Variants in TMPRSS6 observed in about 807,000 individuals in gnomAD.
TMPRSS6 encodes the protein transmembrane serine protease 6.
A neutral mutation model predicts 101.5 loss-of-function variants in TMPRSS6; 67 were observed. The ratio of observed to expected loss-of-function variants is 0.66; its 90% CI spans 0.54 to 0.81. TMPRSS6 has a LOEUF of 0.81. Ranked by LOEUF, TMPRSS6 falls within the 30% of genes least tolerant of loss-of-function variation. TMPRSS6 has a pLI of 0.00. For synonymous variants in TMPRSS6, 453 were observed against 464.9 expected, an observed-to-expected ratio of 0.97 and a Z score of 0.33; for missense variants, 1,034 against 1,088.7, an observed-to-expected ratio of 0.95 and a Z score of 0.71.
intron 10 of TMPRSS6, among the ~76,000 whole-genome samples, chr22:37,078,997 G>GAAAGA (rs1569006260): frequency 1.3e-5 from 2 of 150,264 alleles, no homozygotes; most frequent in African/African-American, 4.9e-5. Flanking sequence ...AAGAAAGAAA[G>GAAAGA]AAAGAAAGAA....
chr22:37,103,097 G>A lies in TMPRSS6; in HGVS notation c.202+119C>T, dbSNP rs532254664. The A allele has an allele frequency of 1.2e-3, 1,305 of 1,084,508 alleles. 3 individuals are homozygous for A. The highest frequency in any genetic ancestry group is 1.7e-3 in the Non-Finnish European group (1,227 of 727,916). The allele number at this position is 1,084,508 out of a possible 1,614,324, so 67.2% of individuals were successfully genotyped here. ...AGAGAACAGAAGTGACTTGCCCAAG[G>A]TCACACAGCAATATGCTAAGCACGG... On this transcript the variant is annotated intron_variant, in intron 2 of 17. Transcript: ENST00000676104. This position sits in a 1 kb window ranked among gnomAD's most constrained non-coding sequence, Gnocchi z 4.4.
intron 10 of TMPRSS6, among the ~76,000 whole-genome samples, chr22:37,079,003 AAG>A (rs1439886162): frequency 6.7e-6 from 1 of 150,030 alleles, no homozygotes; most frequent in African/African-American, 2.5e-5. Flanking sequence ...GAAAGAAAGA[AAG>A]AAAGAAAGAA....
chr22:37,107,832 G>A lies in TMPRSS6; in HGVS notation c.-2+1671C>T, dbSNP rs79841810. On this transcript the variant is annotated intron_variant, in intron 1 of 17. Coordinates refer to ENST00000676104, the MANE Select transcript of TMPRSS6 (RefSeq NM_001374504.1). ...AGAGAGGCCTTCCCTGGGCACTCCC[G>A]TCTCTCCTGCATTTTTCTTTATAGC... 7.5e-3 allele frequency among the ~76,000 whole-genome samples: 1,136 copies of A among 152,204 alleles called. 24 individuals are homozygous for A. The highest frequency in any genetic ancestry group is 0.026 in the African/African-American group (1,098 of 41,492).
intron 8 of TMPRSS6, among the ~76,000 whole-genome samples, chr22:37,085,893 C>T (rs866646856): frequency 6.6e-6 from 1 of 150,644 alleles, no homozygotes; most frequent in East Asian, 2.0e-4. Context: ...CGGTGGGTGC[C>T]AAGGGGAGAG....
intron 1 of TMPRSS6, among the ~76,000 whole-genome samples, chr22:37,109,124 G>A (rs1217671301): frequency 1.3e-5 from 2 of 152,176 alleles, no homozygotes; most frequent in Admixed American, 6.5e-5. Flanking sequence ...CTCCGGGCCT[G>A]TCTCCTACAC....
In TMPRSS6 at chr22:37,101,137, G is replaced by C. The variant is rs1330015115; in HGVS notation, c.202+2079C>G. 3.3e-5 allele frequency among the ~76,000 whole-genome samples: 5 copies of C among 152,136 alleles called. No homozygotes were observed. Among genetic ancestry groups the C allele is most frequent in the Non-Finnish European group, 5.9e-5 (4 of 68,002 alleles). On this transcript the variant is annotated intron_variant, in intron 2 of 17. Coordinates refer to ENST00000676104, the MANE Select transcript of TMPRSS6 (RefSeq NM_001374504.1). The surrounding 1 kb of genome is among the most constrained non-coding windows in gnomAD (Gnocchi z 4.1). Reference sequence around the variant, plus strand: ...AGGCACCCCAAGGGACACTGGGGGAGAGAGGGCATCCTTGCTGGTGCTGGG... The same window carrying C: ...AGGCACCCCAAGGGACACTGGGGGACAGAGGGCATCCTTGCTGGTGCTGGG...
Position 37,065,983 on chromosome 22 carries a change from C to G in TMPRSS6, c.*97G>C, listed in dbSNP as rs756311550. The G allele has an allele frequency of 1.3e-6, 2 of 1,544,070 alleles. No individual in the cohort carries two copies. Among genetic ancestry groups the G allele is most frequent in the Non-Finnish European group, 1.8e-6 (2 of 1,123,176 alleles). On this transcript the variant is annotated 3_prime_UTR_variant, in exon 18 of 18. Coordinates refer to ENST00000676104, the MANE Select transcript of TMPRSS6 (RefSeq NM_001374504.1). Reference sequence around the variant, plus strand: ...CTGCCACCACAGGGCCTGCTCTCTCCCCCACCCCCCGCCAGAATACTTGTC... The same window carrying G: ...CTGCCACCACAGGGCCTGCTCTCTCGCCCACCCCCCGCCAGAATACTTGTC...
intron 1 of TMPRSS6, among the ~76,000 whole-genome samples, chr22:37,107,654 A>C (rs572659083): frequency 1.3e-5 from 2 of 151,850 alleles, no homozygotes; most frequent in Non-Finnish European, 2.9e-5. Context: ...CCATCCACCT[A>C]GAACACAGTC....
At chr22:37,074,794 C>T (rs560740989) in intron 11 of TMPRSS6, 86 bp from the exon 12 acceptor site, 99 of 1,390,532 alleles carry the variant, frequency 7.1e-5, no homozygotes, top group South Asian at 2.0e-4. Flanking sequence ...CACGCATGCA[C>T]CTGTTCACTC....
rs1457559157 is a variant in TMPRSS6, at chr22:37,070,413, C to T, written c.1841+71G>A. On this transcript the variant is annotated intron_variant, in intron 15 of 17. Transcript: ENST00000676104. ...CCTCTATCTGCAAAGAGCTCAGACA[C>T]AGTGCACCTCCCACCGGGCCTTCCC... 7.6e-6 allele frequency: 12 copies of T among 1,588,172 alleles called. No individual in the cohort carries two copies. In the East Asian group the frequency reaches 2.7e-4, roughly 36 times the overall value.
intron 6 of TMPRSS6, among the ~76,000 whole-genome samples, chr22:37,093,495 C>T (rs1929459548): frequency 1.4e-5 from 2 of 145,372 alleles, no homozygotes; most frequent in South Asian, 2.2e-4. Context: ...CTCCATCTTC[C>T]GGGTTCAAGT....
chr22:37,083,240 C>G (rs1928404434), intron 10 of TMPRSS6, among the ~76,000 whole-genome samples: 1 of 152,172 alleles, frequency 6.6e-6, no homozygotes, highest in Non-Finnish European at 1.5e-5. Context: ...CGTTTTCACC[C>G]CGGATTCCCA....
At chr22:37,084,901 G>A (rs1297107106) in intron 8 of TMPRSS6, 62 bp from the exon 9 acceptor site, 40 of 1,349,030 alleles carry the variant, frequency 3.0e-5, no homozygotes, top group South Asian at 1.5e-4. Flanking sequence ...GCAGGCTGGC[G>A]CAGCTTGTAA....
At chr22:37,067,757 G>T (rs374639290) in intron 16 of TMPRSS6, among the ~76,000 whole-genome samples, 2 of 86,404 alleles carry the variant, frequency 2.3e-5, no homozygotes, top group South Asian at 5.9e-4. Flanking sequence ...GAAACTCCCC[G>T]TATGGTTCTA....
At chr22:37,071,513 C>G (rs941978547) in intron 13 of TMPRSS6, among the ~76,000 whole-genome samples, 5 of 152,218 alleles carry the variant, frequency 3.3e-5, no homozygotes, top group African/African-American at 1.2e-4. Flanking sequence ...GGCCAAACAC[C>G]TACCTCCTCC....
In TMPRSS6 at chr22:37,065,473, T is replaced by G. The variant is rs1280047976; in HGVS notation, c.*607A>C. Reference sequence around the variant, plus strand: ...GCTTTATTCCAAAGGGCAGCTGAGCTCACCTCCCAGTGAGGGTCTGGGCTG... The same window carrying G: ...GCTTTATTCCAAAGGGCAGCTGAGCGCACCTCCCAGTGAGGGTCTGGGCTG... On this transcript the variant is annotated 3_prime_UTR_variant, in exon 18 of 18. Coordinates refer to ENST00000676104, the MANE Select transcript of TMPRSS6 (RefSeq NM_001374504.1). The G allele has an allele frequency of 6.5e-6, 1 of 153,846 alleles. No individual in the cohort carries two copies. The highest frequency in any genetic ancestry group is 2.4e-5 in the African/African-American group (1 of 41,448). 9.5% of individuals were successfully genotyped at this position (153,846 alleles called of 1,614,324 possible).
In TMPRSS6 at chr22:37,074,828, C is replaced by T; in HGVS notation, c.1343-120G>A. 7 of 1,070,686 alleles carry T rather than the reference C, an allele frequency of 6.5e-6. No homozygotes were observed. The South Asian group carries it at 6.7e-5, about 10-fold the overall frequency. 66.3% of individuals were successfully genotyped at this position (1,070,686 alleles called of 1,614,324 possible). On this transcript the variant is annotated intron_variant, in intron 11 of 17. Transcript: ENST00000676104. ...TCACACGCGCATGGACAGGCACCCA[C>T]AGACGTGGTCCTGGGCACCTGTGTA...
At chr22:37,089,818 G>A in intron 6 of TMPRSS6, 36 bp from the exon 7 acceptor site, 1 of 1,594,686 alleles carries the variant, frequency 6.3e-7, no homozygotes, top group Non-Finnish European at 8.5e-7. Flanking sequence ...CCTGATTCCT[G>A]TGAGCCAGAA....
chr22:37,098,466 G>C lies in TMPRSS6; in HGVS notation c.286C>G (p.Arg96Gly). Residue 96 changes from arginine to glycine, a missense_variant, in exon 3 of 18, where the codon CGC becomes GGC. Physicochemically the swap from Arg to Gly is moderately radical, Grantham distance 125. Coordinates refer to ENST00000676104, the MANE Select transcript of TMPRSS6 (RefSeq NM_001374504.1). ...CTGCGGAAGGCACTAGATTCCCGGCGGGTAAGATCCTGGGAGAAGTGGCGA... is the reference window on the plus strand; with the variant it reads ...CTGCGGAAGGCACTAGATTCCCGGCCGGTAAGATCCTGGGAGAAGTGGCGA... The part of the protein sequence containing the change: ...LNRHFSQDLT[R>G]RESSAFRSET... 6.2e-7 allele frequency: 1 copy of C among 1,613,974 alleles called. No individual in the cohort carries two copies.
Sources: gnomAD v4.1 joint callset for allele counts (sites outside exome capture counted in the v4.1 genomes callset) on GRCh38, gnomAD v4.1.1 for gene constraint, Gnocchi (gnomAD v3.1) non-coding constraint, MANE v1.5 for transcripts, NCBI Gene and HGNC (gene_info 2026-07-23, HGNC 2026-07-21) for gene names.